DENND2A: variants seen among roughly 807,000 people sequenced by gnomAD.
DENND2A encodes the protein DENN domain containing 2A.
Under a neutral mutation model 105.3 loss-of-function variants are expected in DENND2A, and 53 were observed. That is an observed-to-expected ratio of 0.50 (90% CI 0.40 to 0.63). The LOEUF (loss-of-function observed/expected upper bound fraction) is 0.63. Among genes scored for constraint, DENND2A ranks in the 30% least tolerant of loss-of-function variants. DENND2A has a pLI of 0.00. For synonymous variants in DENND2A, 522 were observed against 508.4 expected (o/e 1.03, Z -0.36); for missense variants, 1,138 against 1,279.6 (o/e 0.89, Z 1.69).
At chr7:140,592,216 T>A (rs1204353119) in intron 3 of DENND2A, among the ~76,000 whole-genome samples, 2 of 149,426 alleles carry the variant, frequency 1.3e-5, no homozygotes, top group Non-Finnish European at 1.5e-5. Context: ...ATTTTTATTT[T>A]TTTTTTTTGA....
In DENND2A at chr7:140,527,581, A is replaced by G. The variant is rs1796109856; in HGVS notation, c.2328-86T>C. ...AGGGGAGAAGGCTCCTCCCAGAGAC[A>G]GGATGACTAGGAAAGGACACACGTG... On this transcript the variant is annotated intron_variant, in intron 14 of 19. Transcript: ENST00000496613. The surrounding 1 kb of genome is among the most constrained non-coding windows in gnomAD (Gnocchi z 4.9). 4 of 1,368,536 alleles carry G rather than the reference A, an allele frequency of 2.9e-6. No homozygotes were observed. The highest frequency in any genetic ancestry group is 3.9e-6 in the Non-Finnish European group (4 of 1,018,062). 84.8% of individuals were successfully genotyped at this position (1,368,536 alleles called of 1,614,324 possible).
At chr7:140,577,220 T>C (rs968773777) in intron 5 of DENND2A, among the ~76,000 whole-genome samples, 4 of 152,146 alleles carry the variant, frequency 2.6e-5, no homozygotes, top group Non-Finnish European at 5.9e-5. Flanking sequence ...AATGACACAG[T>C]ACTATCTGAG....
intron 12 of DENND2A, among the ~76,000 whole-genome samples, chr7:140,551,150 A>C (rs1797119671): frequency 6.6e-6 from 1 of 151,432 alleles, no homozygotes; most frequent in Admixed American, 6.6e-5. Flanking sequence ...AAAATACAAA[A>C]ATTAGCTGGG....
chr7:140,518,911 G>A (rs1380817562), intron 19 of DENND2A, among the ~76,000 whole-genome samples, 173 bp from the exon 20 acceptor site: 1 of 152,142 alleles, frequency 6.6e-6, no homozygotes, highest in Non-Finnish European at 1.5e-5. Context: ...AGAGATCCCC[G>A]TGGGGTCTTC....
At chr7:140,540,638 C>G in intron 14 of DENND2A, among the ~76,000 whole-genome samples, 1 of 152,160 alleles carries the variant, frequency 6.6e-6, no homozygotes, top group Non-Finnish European at 1.5e-5. Flanking sequence ...AACCTGTCCA[C>G]CCGGAAATCT....
intron 3 of DENND2A, among the ~76,000 whole-genome samples, chr7:140,588,957 G>C (rs529082205): frequency 6.6e-6 from 1 of 151,840 alleles, no homozygotes; most frequent in Non-Finnish European, 1.5e-5. Flanking sequence ...TGGCCAGGCT[G>C]GTCTCGAACT....
At chr7:140,608,469 G>A (rs1198879393) in intron 1 of DENND2A, among the ~76,000 whole-genome samples, 1 of 152,060 alleles carries the variant, frequency 6.6e-6, no homozygotes, top group Non-Finnish European at 1.5e-5. Flanking sequence ...TTGAGCTCAG[G>A]GGATTGAAAC....
chr7:140,562,660 TCAAAA>T (rs1484457287), intron 9 of DENND2A, among the ~76,000 whole-genome samples: 1 of 98,620 alleles, frequency 1.0e-5, no homozygotes, highest in Non-Finnish European at 2.3e-5. Flanking sequence ...AGGCTCCGTC[TCAAAA>T]CAAACAAACA....
intron 1 of DENND2A, among the ~76,000 whole-genome samples, chr7:140,635,158 G>A (rs1176542734): frequency 6.6e-6 from 1 of 151,994 alleles, no homozygotes; most frequent in Non-Finnish European, 1.5e-5. Context: ...CGCTACTCAA[G>A]AGGCTGAGGC....
intron 1 of DENND2A, among the ~76,000 whole-genome samples, chr7:140,614,340 A>G (rs1341392675): frequency 6.6e-6 from 1 of 152,114 alleles, no homozygotes; most frequent in Non-Finnish European, 1.5e-5. Context: ...CCTGGCCTCA[A>G]GTGATCCACC....
At position 140,601,545 on chromosome 7, in the gene DENND2A, G is replaced by C. The variant is rs1355474396; in HGVS notation, c.853C>G (p.Pro285Ala). The change falls in exon 3 of 20, where the codon CCT (proline) becomes GCT (alanine). Residue 285 changes from proline to alanine, a missense_variant. Pro to Ala is a conservative substitution (Grantham distance 27). Coordinates refer to ENST00000496613, the MANE Select transcript of DENND2A (RefSeq NM_015689.5). ...HAGEGDKDGK[P>A]GIGFRKEKRN... Reference sequence around the variant, plus strand: ...TTCTCTTTCCTGAAGCCGATGCCAGGCTTCCCATCTTTGTCCCCTTCTCCG... The same window carrying C: ...TTCTCTTTCCTGAAGCCGATGCCAGCCTTCCCATCTTTGTCCCCTTCTCCG... 6.2e-7 allele frequency: 1 copy of C among 1,614,202 alleles called. No individual in the cohort carries two copies. Among genetic ancestry groups the C allele is most frequent in the South Asian group, 1.1e-5 (1 of 91,078 alleles).
In DENND2A at chr7:140,534,102, TG is replaced by T. The variant is rs869236947; in HGVS notation, c.2328-6608del. ...GTTAATTTTTTTTTTTTTTTTTTTT[TG>T]AGATGGAGTCTTGCTCTGGCACCCA... On this transcript the variant is annotated intron_variant, in intron 14 of 19. Coordinates refer to ENST00000496613, the MANE Select transcript of DENND2A (RefSeq NM_015689.5). 1.3e-4 allele frequency among the ~76,000 whole-genome samples: 17 copies of T among 132,312 alleles called. 2 individuals carry two copies. Among genetic ancestry groups the T allele is most frequent in the African/African-American group, 8.8e-5 (3 of 34,164 alleles). 86.8% of individuals were successfully genotyped at this position (132,312 alleles called of 152,430 possible). A position where few individuals can be genotyped will look rare whatever the true frequency, so the allele number is the denominator to read the frequency against.
Position 140,559,946 on chromosome 7 carries a change from G to A in DENND2A, c.1780-129C>T. ...CTGCCGCCTTAGCCTCTTCCCTTGG[G>A]AAGAGCTTGCAGCTCAGTCGGCTGG... On this transcript the variant is annotated intron_variant, in intron 9 of 19. Coordinates refer to ENST00000496613, the MANE Select transcript of DENND2A (RefSeq NM_015689.5). This position sits in a 1 kb window ranked among gnomAD's most constrained non-coding sequence, Gnocchi z 4.1. 1 of 733,314 alleles carries A rather than the reference G, an allele frequency of 1.4e-6. No individual in the cohort carries two copies. Among genetic ancestry groups the A allele is most frequent in the East Asian group, 2.7e-5 (1 of 37,018 alleles). The allele number at this position is 733,314 out of a possible 1,614,324, so 45.4% of individuals were successfully genotyped here. A position where few individuals can be genotyped will look rare whatever the true frequency, so the allele number is the denominator to read the frequency against.
At position 140,546,864 on chromosome 7, in the gene DENND2A, C is replaced by T; in HGVS notation, c.2113G>A (p.Ala705Thr). The T allele has an allele frequency of 6.2e-7, 1 of 1,614,180 alleles. No homozygotes were observed. Among genetic ancestry groups the T allele is most frequent in the Non-Finnish European group, 8.5e-7 (1 of 1,179,998 alleles). ...VQPLMRSVME[A>T]PFPALGKTIL... is the part of the protein sequence containing the mutation. ...GTTTTGCCCAGGGCTGGGAAAGGGGCTTCCATGACACTTCTCATGAGTGGC... is the reference window on the plus strand; with the variant it reads ...GTTTTGCCCAGGGCTGGGAAAGGGGTTTCCATGACACTTCTCATGAGTGGC... The change falls in exon 13 of 20, where the codon GCC becomes ACC. Residue 705 changes from alanine to threonine, a missense_variant. This residue lies in a region of DENND2A where 627 missense variants were observed against 779.8 expected (regional missense o/e 0.80). Transcript: ENST00000496613.
At chr7:140,608,031 G>C (rs945346807) in intron 1 of DENND2A, among the ~76,000 whole-genome samples, 26 of 152,274 alleles carry the variant, frequency 1.7e-4, no homozygotes, top group African/African-American at 5.8e-4. Context: ...TAGTTCTCAG[G>C]AAGTACAGCT....
At position 140,593,658 on chromosome 7, in the gene DENND2A, G is replaced by T. The variant is rs77022550; in HGVS notation, c.996-5878C>A. Among the ~76,000 whole-genome samples, 911 of 152,286 alleles carry T rather than the reference G, an allele frequency of 6.0e-3. 5 individuals are homozygous for T. Among genetic ancestry groups the T allele is most frequent in the African/African-American group, 0.02 (846 of 41,564 alleles). On this transcript the variant is annotated intron_variant, in intron 3 of 19. Transcript: ENST00000496613. The stretch of plus-strand genomic sequence containing the variant: ...TGTTGCCATCCAAAGGTTTAGGTCT[G>T]AAACCTGGAAATCAGACTCCTAGCC...
chr7:140,626,123 A>G (rs937148168), intron 1 of DENND2A, among the ~76,000 whole-genome samples: 10 of 152,188 alleles, frequency 6.6e-5, no homozygotes, highest in African/African-American at 2.2e-4. Context: ...CCAGGTGCCT[A>G]ACGCCTACAG....
intron 14 of DENND2A, among the ~76,000 whole-genome samples, chr7:140,534,413 C>T (rs1183056267): frequency 6.6e-6 from 1 of 152,140 alleles, no homozygotes; most frequent in Non-Finnish European, 1.5e-5. Flanking sequence ...AATTCTGCCC[C>T]TAAACACTAA....
At chr7:140,577,143 C>T (rs552258812) in intron 5 of DENND2A, among the ~76,000 whole-genome samples, 18 of 152,168 alleles carry the variant, frequency 1.2e-4, no homozygotes, top group Admixed American at 4.6e-4. Context: ...TTTCATGATG[C>T]GGTGGGATTT....
Sources: gnomAD v4.1 joint callset for allele counts (sites outside exome capture counted in the v4.1 genomes callset) on GRCh38, gnomAD v4.1.1 for gene constraint, gnomAD v4.1.1 regional missense constraint, Gnocchi (gnomAD v3.1) non-coding constraint, MANE v1.5 for transcripts, NCBI Gene and HGNC (gene_info 2026-07-23, HGNC 2026-07-21) for gene names.